WWOX: variants seen among roughly 807,000 people sequenced by gnomAD.
WWOX encodes the protein WW domain-containing oxidoreductase.
A neutral mutation model predicts 46.2 loss-of-function variants in WWOX; 69 were observed. The ratio of observed to expected loss-of-function variants is 1.49; its 90% CI spans 1.23 to 1.82. The LOEUF is 1.82. Ranked by LOEUF, WWOX falls within the 40% of genes most tolerant of loss-of-function variation. The probability of loss-of-function intolerance (pLI) is 0.00; values close to 1 mark genes in which losing one functional copy is unlikely to be tolerated. For synonymous variants in WWOX, 359 were observed against 202.6 expected (o/e 1.77, Z -6.56); for missense variants, 919 against 542.6 (o/e 1.69, Z -6.89).
chr16:78,172,711 G>A (rs1041088508), intron 5 of WWOX, among the ~76,000 whole-genome samples: 1 of 151,960 alleles, frequency 6.6e-6, no homozygotes, highest in Admixed American at 6.6e-5. Flanking sequence ...AAGAGTGAAA[G>A]TCAAGCATAG....
At chr16:78,728,825 G>A (rs1255580536) in intron 8 of WWOX, among the ~76,000 whole-genome samples, 1 of 152,168 alleles carries the variant, frequency 6.6e-6, no homozygotes, top group Admixed American at 6.5e-5. Flanking sequence ...TGGGACCTCA[G>A]GTATGTCACT....
intron 8 of WWOX, among the ~76,000 whole-genome samples, chr16:78,969,848 C>A (rs11150121): frequency 1.3e-5 from 2 of 151,798 alleles, no homozygotes; most frequent in Non-Finnish European, 2.9e-5. Context: ...GGGGATGGGG[C>A]GTGGATGGAG....
At chr16:79,060,899 G>C (rs1407315837) in intron 8 of WWOX, among the ~76,000 whole-genome samples, 1 of 152,188 alleles carries the variant, frequency 6.6e-6, no homozygotes, top group Non-Finnish European at 1.5e-5. Flanking sequence ...GCCATTCTAA[G>C]AACTTCCATC....
intron 8 of WWOX, among the ~76,000 whole-genome samples, chr16:79,186,954 TG>T (rs1360411190): frequency 6.6e-6 from 1 of 152,140 alleles, no homozygotes; most frequent in Admixed American, 6.5e-5. Flanking sequence ...GAGTGACAGG[TG>T]TCACTATATC....
intron 8 of WWOX, among the ~76,000 whole-genome samples, chr16:78,545,600 A>C (rs568470820): frequency 2.0e-5 from 3 of 152,350 alleles, no homozygotes; most frequent in African/African-American, 7.2e-5. Context: ...GCCCAGGAAT[A>C]GTCATGGTTG....
At chr16:78,765,535 C>T (rs971626205) in intron 8 of WWOX, among the ~76,000 whole-genome samples, 1 of 152,060 alleles carries the variant, frequency 6.6e-6, no homozygotes, top group African/African-American at 2.4e-5. Context: ...AAAAATTAGC[C>T]AGGTGTGATA....
At chr16:78,580,595 C>T (rs1045706206) in intron 8 of WWOX, among the ~76,000 whole-genome samples, 4 of 152,342 alleles carry the variant, frequency 2.6e-5, no homozygotes, top group East Asian at 1.9e-4. Context: ...AAGCACACTT[C>T]TCTACATTAC....
chr16:78,103,370 C>G (rs1372844843), intron 1 of WWOX, among the ~76,000 whole-genome samples: 1 of 151,828 alleles, frequency 6.6e-6, no homozygotes, highest in South Asian at 2.1e-4. Flanking sequence ...AACCCATCAC[C>G]TAGTTGTTCA....
intron 8 of WWOX, among the ~76,000 whole-genome samples, chr16:78,503,171 G>A (rs2085111861): frequency 1.3e-5 from 2 of 152,162 alleles, no homozygotes; most frequent in South Asian, 4.1e-4. Context: ...ATTTATGTCT[G>A]ACCCCAGGAA....
chr16:78,551,224 C>A (rs926215822), intron 8 of WWOX: 2 of 152,054 alleles, frequency 1.3e-5, no homozygotes, highest in Admixed American at 6.5e-5. Flanking sequence ...TGAAATCATA[C>A]CACTGATTTT....
At position 78,927,332 on chromosome 16, in the gene WWOX, A is replaced by G. The variant is rs116322697; in HGVS notation, c.1057-284276A>G. Among the ~76,000 whole-genome samples the G allele has an allele frequency of 5.7e-3, 875 of 152,320 alleles. 7 individuals carry two copies. The highest frequency in any genetic ancestry group is 0.02 in the African/African-American group (848 of 41,570). ...GTCCACTGTTTATCCTGGTGACCTTAGGCAAGTCATTTAATTTCCTTGAGT... is the reference window on the plus strand; with the variant it reads ...GTCCACTGTTTATCCTGGTGACCTTGGGCAAGTCATTTAATTTCCTTGAGT... On this transcript the variant is annotated intron_variant, in intron 8 of 8. Coordinates refer to ENST00000566780, the MANE Select transcript of WWOX (RefSeq NM_016373.4).
intron 8 of WWOX, among the ~76,000 whole-genome samples, chr16:79,095,997 G>A (rs2049062112): frequency 6.9e-6 from 1 of 144,968 alleles, no homozygotes; most frequent in Non-Finnish European, 1.5e-5. Context: ...CTACAGGCAT[G>A]CGCTGCCACA....
intron 4 of WWOX, among the ~76,000 whole-genome samples, chr16:78,148,574 T>C (rs1207710996): frequency 6.6e-6 from 1 of 152,132 alleles, no homozygotes; most frequent in Non-Finnish European, 1.5e-5. Context: ...GTTTTATTTT[T>C]CTTCCTAAGG....
intron 8 of WWOX, among the ~76,000 whole-genome samples, chr16:79,044,719 G>C (rs1110565): frequency 0.42 from 64,379 of 152,044 alleles, 16,000 homozygotes; most frequent in African/African-American, 0.7. Flanking sequence ...CATGGTCTCT[G>C]AGCAGGATTA....
chr16:78,536,021 G>A lies in WWOX; in HGVS notation c.1056+103269G>A, dbSNP rs76001045. Among the ~76,000 whole-genome samples, 679 of 152,278 alleles carry A rather than the reference G, an allele frequency of 4.5e-3. 6 individuals carry two copies. Among genetic ancestry groups the A allele is most frequent in the African/African-American group, 0.016 (649 of 41,542 alleles). Reference sequence around the variant, plus strand: ...TCGGGTATTTCCAGCCTTAGTCTTGGCTGTGGGAGCCATAATGGAGTTGTT... The same window carrying A: ...TCGGGTATTTCCAGCCTTAGTCTTGACTGTGGGAGCCATAATGGAGTTGTT... On this transcript the variant is annotated intron_variant, in intron 8 of 8. Transcript: ENST00000566780.
rs116846002 is a variant in WWOX, at chr16:78,213,939, G to A, written c.516+49650G>A. Among the ~76,000 whole-genome samples the A allele has an allele frequency of 6.3e-3, 955 of 152,276 alleles. 50 individuals are homozygous for A. The East Asian group carries it at 0.12, about 19-fold the overall frequency. Reference sequence around the variant, plus strand: ...CCTGTCCGGGGTGTGAGCATGTCACGCTGTGGCCCGCGCCTCCCCTGTACA... The same window carrying A: ...CCTGTCCGGGGTGTGAGCATGTCACACTGTGGCCCGCGCCTCCCCTGTACA... On this transcript the variant is annotated intron_variant, in intron 5 of 8. Coordinates refer to ENST00000566780, the MANE Select transcript of WWOX (RefSeq NM_016373.4).
intron 8 of WWOX, among the ~76,000 whole-genome samples, chr16:78,947,373 T>TC (rs2045969783): frequency 1.4e-5 from 2 of 145,120 alleles, no homozygotes; most frequent in African/African-American, 5.4e-5. Flanking sequence ...TATTTTTCTC[T>TC]TCCCCCCCTT....
At chr16:78,947,693 C>T (rs1258527741) in intron 8 of WWOX, among the ~76,000 whole-genome samples, 2 of 152,102 alleles carry the variant, frequency 1.3e-5, no homozygotes, top group Non-Finnish European at 2.9e-5. Flanking sequence ...TTGCTTTGTC[C>T]CCTCACTTAG....
chr16:78,913,718 A>G (rs537168141), intron 8 of WWOX, among the ~76,000 whole-genome samples: 51 of 151,532 alleles, frequency 3.4e-4, no homozygotes, highest in African/African-American at 1.0e-3. Context: ...CTTGGGTGCA[A>G]TGGTGCCATC....
Sources: gnomAD v4.1 joint callset for allele counts (sites outside exome capture counted in the v4.1 genomes callset) on GRCh38, gnomAD v4.1.1 for gene constraint, MANE v1.5 for transcripts, NCBI Gene and HGNC (gene_info 2026-07-23, HGNC 2026-07-21) for gene names.